Variants in ADGRG5 observed in about 807,000 individuals in gnomAD.
ADGRG5 encodes G protein-coupled receptor 114.
Under a neutral mutation model 53.2 loss-of-function variants are expected in ADGRG5, and 37 were observed. The observed-to-expected ratio is 0.70, with a 90% CI of 0.53 to 0.91. ADGRG5 has a LOEUF of 0.91. ADGRG5 is among the 40% of genes least tolerant of loss of function. The pLI, the probability that ADGRG5 is intolerant of heterozygous loss-of-function variation, is 0.00. For synonymous variants in ADGRG5, 277 were observed against 290.4 expected, an observed-to-expected ratio of 0.95 and a Z score of 0.47; for missense variants, 614 against 675.8, an observed-to-expected ratio of 0.91 and a Z score of 1.01.
rs561952846 is a variant in ADGRG5 at position 57,565,422 on chromosome 16, C to G, written c.546+272C>G. 14 of 451,146 alleles carry G rather than the reference C, an allele frequency of 3.1e-5. No homozygotes were observed. In the South Asian group the frequency reaches 6.9e-4, roughly 22 times the overall value. 27.9% of individuals were successfully genotyped at this position (451,146 alleles called of 1,614,324 possible). On this transcript the variant is annotated intron_variant, in intron 6 of 11. Coordinates refer to ENST00000349457, the MANE Select transcript of ADGRG5 (RefSeq NM_001304376.3). ...CATCCATGAAATGTCTAGAGGTGATCCACCAGCTTCAGACATAGCTGGATC... is the reference window on the plus strand; with the variant it reads ...CATCCATGAAATGTCTAGAGGTGATGCACCAGCTTCAGACATAGCTGGATC...
At chr16:57,535,627 A>AC in the ADGRG5 span, among the ~76,000 whole-genome samples, 4 of 126,878 alleles carry the variant, frequency 3.2e-5, no homozygotes, top group Non-Finnish European at 6.7e-5. Context: ...ACCCAGCCCC[A>AC]CCCCGACCCC....
chr16:57,562,303 C>A, intron 2 of ADGRG5, 81 bp from the exon 3 acceptor site: 1 of 1,436,798 alleles, frequency 7.0e-7, no homozygotes, highest in Non-Finnish European at 9.7e-7. Context: ...ACTAGACTCT[C>A]AGGGTGGGAT....
At chr16:57,538,806 T>C (rs972112847), upstream of ADGRG5, among the ~76,000 whole-genome samples, 6 of 152,232 alleles carry the variant, frequency 3.9e-5, no homozygotes, top group Non-Finnish European at 8.8e-5. Context: ...CACTAACACA[T>C]GCCCTTATTT....
intron 10 of ADGRG5, among the ~76,000 whole-genome samples, chr16:57,573,680 G>A (rs1821580550): frequency 2.0e-5 from 3 of 152,182 alleles, no homozygotes; most frequent in African/African-American, 7.2e-5. Context: ...CTATGTAAAT[G>A]GAGAGGATAT....
At chr16:57,564,975 C>T (rs1639138685) in intron 5 of ADGRG5, 59 bp from the exon 6 acceptor site, 2 of 990,632 alleles carry the variant, frequency 2.0e-6, no homozygotes, top group Non-Finnish European at 3.2e-6. Context: ...GGAGCTCAGA[C>T]CTTACCCAGG....
At chr16:57,533,452 TCA>T in the ADGRG5 span, among the ~76,000 whole-genome samples, 2 of 148,496 alleles carry the variant, frequency 1.3e-5, no homozygotes, top group Admixed American at 6.7e-5. Flanking sequence ...GGACACACAC[TCA>T]CATACAGCCC....
chr16:57,544,836 C>G (rs1372532321), intron 1 of ADGRG5, among the ~76,000 whole-genome samples: 1 of 152,056 alleles, frequency 6.6e-6, no homozygotes, highest in Admixed American at 6.6e-5. Flanking sequence ...TCACCCAGGC[C>G]GGAGTGCAGT....
At chr16:57,541,267 A>G (rs1271480540), upstream of ADGRG5, among the ~76,000 whole-genome samples, 2 of 152,210 alleles carry the variant, frequency 1.3e-5, no homozygotes, top group African/African-American at 4.8e-5. Flanking sequence ...AGCCCTAAGA[A>G]TAGCCAGTTG....
intron 1 of ADGRG5, among the ~76,000 whole-genome samples, chr16:57,558,127 G>A (rs558586325): frequency 6.6e-6 from 1 of 152,320 alleles, no homozygotes; most frequent in African/African-American, 2.4e-5. Context: ...TTAGGTTTAA[G>A]TTTTATTTAT....
Position 57,563,217 on chromosome 16 carries a change from G to A in ADGRG5, c.267G>A (p.Leu89=). 1 of 1,614,122 alleles carries A rather than the reference G, an allele frequency of 6.2e-7. No homozygotes were observed. Among genetic ancestry groups the A allele is most frequent in the Non-Finnish European group, 8.5e-7 (1 of 1,180,020 alleles). Residue 89 remains leucine (L), a synonymous_variant, in exon 4 of 12, where the codon CTG becomes CTA. Coordinates refer to ENST00000349457, the MANE Select transcript of ADGRG5 (RefSeq NM_001304376.3). Reference sequence around the variant, plus strand: ...GCTGTGACTTCTCTGGCCTCTCGCTGACCAGTGCCACTCTGAAGCGGGTGC... The same window carrying A: ...GCTGTGACTTCTCTGGCCTCTCGCTAACCAGTGCCACTCTGAAGCGGGTGC... ...KLSCDFSGLS[L]TSATLKRVPQ...
rs763673529 is a variant in ADGRG5 at position 57,565,166 on chromosome 16, C to T, written c.546+16C>T. 6.6e-6 allele frequency: 10 copies of T among 1,520,764 alleles called. No homozygotes were observed. In the Admixed American group the frequency reaches 1.2e-4, roughly 18 times the overall value. 94.2% of individuals were successfully genotyped at this position (1,520,764 alleles called of 1,614,324 possible). A position where few individuals can be genotyped will look rare whatever the true frequency, so the allele number is the denominator to read the frequency against. ...CCAAAGCCTGGTACTGCTGGGGGCG[C>T]CCCCGTTTCCACTGCACCCCTGCCC... On this transcript the variant is annotated intron_variant, in intron 6 of 11. Transcript: ENST00000349457.
At position 57,568,073 on chromosome 16, in the gene ADGRG5, T is replaced by C; in HGVS notation, c.1039T>C (p.Tyr347His). Residue 347 changes from tyrosine to histidine, a missense_variant, in exon 9 of 12, where the codon TAC (tyrosine) becomes CAC (histidine). Transcript: ENST00000349457. ...FNLYLLLGRVYNIYIRRYVFK... is the reference protein window; with the variant it reads ...FNLYLLLGRVHNIYIRRYVFK... ...CCTCTACCTCCTCCTCGGGCGTGTC[T>C]ACAACATCTACATCCGCAGATATGT... The C allele has an allele frequency of 6.2e-7, 1 of 1,614,016 alleles. No individual in the cohort carries two copies. Among genetic ancestry groups the C allele is most frequent in the Non-Finnish European group, 8.5e-7 (1 of 1,179,936 alleles).
At chr16:57,566,495 G>A in intron 6 of ADGRG5, 104 bp from the exon 7 acceptor site, 1 of 1,039,792 alleles carries the variant, frequency 9.6e-7, no homozygotes, top group South Asian at 2.6e-5. Flanking sequence ...CTGGTAAAAT[G>A]TTGGCAAATG....
rs140617670 is a variant in ADGRG5 at position 57,566,659 on chromosome 16, G to A, written c.607G>A (p.Gly203Ser). ...GGGAGCCAGGAAACAGCCCTGGGGG[G>A]GCTGGAGCCCTGAGGGCTGTCGTAC... is the stretch of plus-strand genomic sequence containing the variant. ...KEGARKQPWG[G>S]WSPEGCRTEQ... Residue 203 changes from glycine (G) to serine (S), a missense_variant, in exon 7 of 12, where the codon GGC (glycine) becomes AGC (serine). Coordinates refer to ENST00000349457, the MANE Select transcript of ADGRG5 (RefSeq NM_001304376.3). 4.0e-5 allele frequency: 63 copies of A among 1,591,984 alleles called. No individual in the cohort carries two copies. Among genetic ancestry groups the A allele is most frequent in the South Asian group, 1.0e-4 (9 of 87,894 alleles).
At position 57,574,600 on chromosome 16, in the gene ADGRG5, C is replaced by T. The variant is rs971892528; in HGVS notation, c.1209-215C>T. ...AAACCACTGTGGCTGGAAAGGTGGG[C>T]ATGAGGGAGCTTCAGATTGTTGACC... is the stretch of plus-strand genomic sequence containing the variant. On this transcript the variant is annotated intron_variant, in intron 10 of 11. Coordinates refer to ENST00000349457, the MANE Select transcript of ADGRG5 (RefSeq NM_001304376.3). This position sits in a 1 kb window ranked among gnomAD's most constrained non-coding sequence, Gnocchi z 4.4. 3.3e-4 allele frequency among the ~76,000 whole-genome samples: 50 copies of T among 152,322 alleles called. 1 individual carries two copies. The highest frequency in any genetic ancestry group is 1.2e-3 in the African/African-American group (49 of 41,566).
chr16:57,571,021 G>A (rs958830777), intron 10 of ADGRG5, among the ~76,000 whole-genome samples: 10 of 152,178 alleles, frequency 6.6e-5, no homozygotes, highest in African/African-American at 2.4e-4. Flanking sequence ...GCAGCGAGGT[G>A]GGCCTTTAGG....
chr16:57,529,298 C>T, the ADGRG5 span: 1 of 1,117,724 alleles, frequency 8.9e-7, no homozygotes, highest in Non-Finnish European at 1.1e-6. The surrounding 1 kb of genome is among the most constrained non-coding windows in gnomAD (Gnocchi z 4.1). Flanking sequence ...CCCTCTGGGC[C>T]ACCGGGCGGA....
At chr16:57,536,285 C>T in the ADGRG5 span, among the ~76,000 whole-genome samples, 3 of 152,268 alleles carry the variant, frequency 2.0e-5, no homozygotes, top group Non-Finnish European at 2.9e-5. Flanking sequence ...CCCCTCCCCA[C>T]CGGAGACCTG....
At chr16:57,535,639 G>GCCCCAC in the ADGRG5 span, among the ~76,000 whole-genome samples, 1 of 124,966 alleles carries the variant, frequency 8.0e-6, no homozygotes, top group East Asian at 2.5e-4. Flanking sequence ...CCCGACCCCA[G>GCCCCAC]CCCCACCCCT....
Sources: gnomAD v4.1 joint callset for allele counts (sites outside exome capture counted in the v4.1 genomes callset) on GRCh38, gnomAD v4.1.1 for gene constraint, Gnocchi (gnomAD v3.1) non-coding constraint, MANE v1.5 for transcripts, NCBI Gene and HGNC (gene_info 2026-07-23, HGNC 2026-07-21) for gene names.